The following MTUS2 variants were observed in gnomAD, a reference collection of about 807,000 sequenced individuals.
The protein encoded by MTUS2 is microtubule associated scaffold protein 2.
In MTUS2, 40 loss-of-function variants were observed where a neutral mutation model predicts 114.1. That is an observed-to-expected ratio of 0.35 (90% CI 0.27 to 0.46). The LOEUF (loss-of-function observed/expected upper bound fraction) is 0.46, where lower values mean the gene tolerates loss of function less well. Ranked by LOEUF, MTUS2 falls within the 20% of genes least tolerant of loss-of-function variation. MTUS2 has a pLI of 1.00. For synonymous variants in MTUS2, 688 were observed against 672.0 expected, an observed-to-expected ratio of 1.02 and a Z score of -0.37; for missense variants, 1,679 against 1,705.4, an observed-to-expected ratio of 0.98 and a Z score of 0.27.
At chr13:28,884,464 A>T (rs1878470994) in intron 2 of MTUS2, among the ~76,000 whole-genome samples, 1 of 152,182 alleles carries the variant, frequency 6.6e-6, no homozygotes, top group South Asian at 2.1e-4. Context: ...GATGGTGGTG[A>T]TGTCTGTACA....
intron 5 of MTUS2, among the ~76,000 whole-genome samples, chr13:29,140,315 A>G (rs1892165549): frequency 1.3e-5 from 2 of 152,220 alleles, no homozygotes; most frequent in African/African-American, 4.8e-5. Flanking sequence ...ATCTTCTCAC[A>G]GGGGTGACCT....
intron 4 of MTUS2, among the ~76,000 whole-genome samples, chr13:29,057,972 T>G (rs1366207418): frequency 6.6e-6 from 1 of 152,126 alleles, no homozygotes; most frequent in Admixed American, 6.5e-5. Context: ...CTTAAGGACC[T>G]CTTATCTAGT....
At chr13:28,903,968 A>C (rs927637547) in intron 2 of MTUS2, among the ~76,000 whole-genome samples, 25 of 152,232 alleles carry the variant, frequency 1.6e-4, no homozygotes, top group South Asian at 4.1e-4. Flanking sequence ...CTGGTGTGAG[A>C]TGGTATCTCA....
chr13:28,822,095 CTT>C (rs1002791450), intron 1 of MTUS2, among the ~76,000 whole-genome samples: 2 of 152,198 alleles, frequency 1.3e-5, no homozygotes, highest in African/African-American at 4.8e-5. Flanking sequence ...AAATTAAAAA[CTT>C]TTACTATAAA....
chr13:29,297,131 A>T (rs1447187636), intron 6 of MTUS2, among the ~76,000 whole-genome samples: 4 of 151,964 alleles, frequency 2.6e-5, no homozygotes, highest in Non-Finnish European at 4.4e-5. Context: ...ATATATGGTG[A>T]TGGGGTCTAG....
At chr13:29,204,700 C>T (rs1895108951) in intron 5 of MTUS2, among the ~76,000 whole-genome samples, 1 of 152,230 alleles carries the variant, frequency 6.6e-6, no homozygotes, top group African/African-American at 2.4e-5. Flanking sequence ...CAGGTAGCCG[C>T]CCATGACAGC....
rs1308077140 is a variant in MTUS2 at position 29,281,772 on chromosome 13, G to A, written c.2713G>A (p.Gly905Arg). The A allele has an allele frequency of 5.6e-6, 9 of 1,612,356 alleles. No individual in the cohort carries two copies. The South Asian group carries it at 9.9e-5, about 18-fold the overall frequency. The change falls in exon 6 of 16, where the codon GGG becomes AGG. Residue 905 changes from glycine to arginine, a missense_variant. Physicochemically the swap from Gly to Arg is moderately radical, Grantham distance 125 (BLOSUM62 -2). Transcript: ENST00000612955. ...ASLPSKDTPK[G>R]AGRVAPPASS... ...TCTGCCTTCTAAGGACACACCCAAG[G>A]GGGCCGGCCGGGTGGCCCCTCCAGC...
At chr13:28,902,846 G>A (rs532286067) in intron 2 of MTUS2, among the ~76,000 whole-genome samples, 2 of 152,092 alleles carry the variant, frequency 1.3e-5, no homozygotes, top group Non-Finnish European at 2.9e-5. Flanking sequence ...AATGATTTGG[G>A]AAGTGTTTTC....
intron 4 of MTUS2, among the ~76,000 whole-genome samples, chr13:29,085,216 T>A (rs1889637374): frequency 6.6e-6 from 1 of 152,230 alleles, no homozygotes; most frequent in Admixed American, 6.5e-5. Context: ...CTCATACAGC[T>A]AGAAGAACCA....
chr13:29,421,247 A>G (rs1217534216), intron 8 of MTUS2, among the ~76,000 whole-genome samples: 2 of 152,190 alleles, frequency 1.3e-5, no homozygotes, highest in Non-Finnish European at 2.9e-5. Flanking sequence ...AAAGCTACGC[A>G]TATTTTCCTG....
At chr13:29,235,378 C>T (rs550039534) in intron 5 of MTUS2, among the ~76,000 whole-genome samples, 1 of 152,062 alleles carries the variant, frequency 6.6e-6, no homozygotes. Context: ...CAGGCATGAG[C>T]GACCGCACCC....
intron 2 of MTUS2, among the ~76,000 whole-genome samples, chr13:28,916,430 C>T (rs1206719864): frequency 6.6e-6 from 1 of 151,940 alleles, no homozygotes; most frequent in Non-Finnish European, 1.5e-5. Flanking sequence ...AATCCATGAA[C>T]ATGGAATATC....
At chr13:29,291,927 A>T (rs972521036) in intron 6 of MTUS2, among the ~76,000 whole-genome samples, 65 of 152,220 alleles carry the variant, frequency 4.3e-4, no homozygotes, top group African/African-American at 1.5e-3. Context: ...TTTCAAAATC[A>T]TTTCTGCTAA....
intron 5 of MTUS2, among the ~76,000 whole-genome samples, chr13:29,180,500 A>G (rs1312170748): frequency 1.3e-5 from 2 of 152,220 alleles, no homozygotes; most frequent in African/African-American, 4.8e-5. Context: ...CTCAATTTGG[A>G]AAAGTACATG....
At chr13:29,492,150 ATGTGTG>A (rs147504674) in intron 11 of MTUS2, among the ~76,000 whole-genome samples, 14 of 128,702 alleles carry the variant, frequency 1.1e-4, no homozygotes, top group Non-Finnish European at 2.0e-4. Context: ...GTAGGTGTGT[ATGTGTG>A]TGTGGTGTGT....
chr13:28,897,016 C>G (rs1163945299), intron 2 of MTUS2, among the ~76,000 whole-genome samples: 1 of 152,090 alleles, frequency 6.6e-6, no homozygotes. Context: ...TCTAAAACAC[C>G]AAAAGCAATG....
chr13:29,469,033 A>G (rs1188540917), intron 9 of MTUS2, among the ~76,000 whole-genome samples: 1 of 152,220 alleles, frequency 6.6e-6, no homozygotes, highest in Non-Finnish European at 1.5e-5. Context: ...CAATACCCAT[A>G]GAATTTTAGG....
At chr13:29,288,227 C>G (rs546349563) in intron 6 of MTUS2, among the ~76,000 whole-genome samples, 1 of 152,276 alleles carries the variant, frequency 6.6e-6, no homozygotes, top group African/African-American at 2.4e-5. Context: ...CCTTGTGGCT[C>G]TGGGAATGGA....
chr13:29,041,666 G>T (rs958837580), intron 4 of MTUS2, among the ~76,000 whole-genome samples: 1 of 152,014 alleles, frequency 6.6e-6, no homozygotes, highest in African/African-American at 2.4e-5. Flanking sequence ...CCCCTCTTTG[G>T]TTAGGTGTAA....
Sources: allele counts gnomAD v4.1 joint callset (sites outside exome capture counted in the v4.1 genomes callset), GRCh38; gene constraint gnomAD v4.1.1; transcripts MANE v1.5; gene names NCBI Gene and HGNC (gene_info 2026-07-23, HGNC 2026-07-21).